SRGAP3: variants seen among roughly 807,000 people sequenced by gnomAD.
SRGAP3 encodes the protein SLIT-ROBO Rho GTPase-activating protein 3.
In SRGAP3, 39 loss-of-function variants were observed where a neutral mutation model predicts 121.1. The observed-to-expected ratio is 0.32, with a 90% CI of 0.25 to 0.42. SRGAP3 has a LOEUF of 0.42. SRGAP3 is among the 10% of genes least tolerant of loss of function. The pLI, the probability that SRGAP3 is intolerant of heterozygous loss-of-function variation, is 1.00. For synonymous variants in SRGAP3, 601 were observed against 570.0 expected (o/e 1.05, Z -0.77); for missense variants, 1,213 against 1,470.6 (o/e 0.82, Z 2.86).
chr3:8,986,022 G>T (rs570034358), intron 21 of SRGAP3, 90 bp from the exon 22 acceptor site: 1 of 1,586,484 alleles, frequency 6.3e-7, no homozygotes, highest in Non-Finnish European at 8.5e-7. Flanking sequence ...TCGTAGGCAG[G>T]TTCCCCAGAA....
intron 1 of SRGAP3, among the ~76,000 whole-genome samples, chr3:9,162,125 G>A (rs910412434): frequency 3.9e-5 from 6 of 152,150 alleles, no homozygotes; most frequent in African/African-American, 1.2e-4. Context: ...AGTTCATAGA[G>A]ACAGAGAGAG....
chr3:9,023,145 C>G lies in SRGAP3; in HGVS notation c.1678+2116G>C, dbSNP rs530422038. Among the ~76,000 whole-genome samples the G allele has an allele frequency of 2.6e-5, 4 of 152,228 alleles. No individual in the cohort carries two copies. In the East Asian group the frequency reaches 7.7e-4, roughly 29 times the overall value. On this transcript the variant is annotated intron_variant, in intron 14 of 21. Transcript: ENST00000383836. ...AAAGTGGTTGCCAGGCTGGAGGCAC[C>G]ATGCAGTGAGTTTGCCCACGAGATT...
intron 19 of SRGAP3, chr3:8,993,903 CT>C (rs1466770693): frequency 5.3e-6 from 1 of 188,296 alleles, no homozygotes; most frequent in African/African-American, 2.4e-5. Context: ...TCATTAACCC[CT>C]GAAATTATTT....
chr3:9,252,009 G>A (rs530475570), upstream of SRGAP3, among the ~76,000 whole-genome samples: 1 of 152,330 alleles, frequency 6.6e-6, no homozygotes, highest in Non-Finnish European at 1.5e-5. Context: ...CTTTTTTAGA[G>A]CTGTGGAAAT....
intron 11 of SRGAP3, chr3:9,037,742 T>C: frequency 2.3e-6 from 1 of 444,244 alleles, no homozygotes; most frequent in Non-Finnish European, 4.1e-6. Context: ...CTCTGGCCCC[T>C]ACAGGCTGCC....
intron 3 of SRGAP3, among the ~76,000 whole-genome samples, chr3:9,083,301 C>A (rs1399568153): frequency 1.3e-5 from 2 of 152,180 alleles, no homozygotes. Context: ...AATAAAGGCA[C>A]ATGGTTAAAG....
chr3:9,070,096 C>CA (rs1946631241), intron 4 of SRGAP3, among the ~76,000 whole-genome samples: 2 of 152,262 alleles, frequency 1.3e-5, no homozygotes, highest in Non-Finnish European at 2.9e-5. Context: ...GCTTTGCACA[C>CA]ATTGCCTTTT....
At position 9,013,859 on chromosome 3, in the gene SRGAP3, C is replaced by A. The variant is rs775390550; in HGVS notation, c.1814-17G>T. ...TCTCCAGTTCTGTAACATAAAGGGG[C>A]CTTTCAGCGTGCCTTTCATCCTCAG... On this transcript the variant is annotated splice_polypyrimidine_tract_variant and intron_variant, in intron 15 of 21. Transcript: ENST00000383836. 10 of 1,611,930 alleles carry A rather than the reference C, an allele frequency of 6.2e-6. No individual in the cohort carries two copies. The highest frequency in any genetic ancestry group is 7.6e-6 in the Non-Finnish European group (9 of 1,177,998).
chr3:9,048,691 G>T (rs1945407464), intron 9 of SRGAP3, among the ~76,000 whole-genome samples: 1 of 152,072 alleles, frequency 6.6e-6, no homozygotes, highest in African/African-American at 2.4e-5. Context: ...TAGGCCTGGG[G>T]GTGTGTGCTG....
intron 1 of SRGAP3, among the ~76,000 whole-genome samples, chr3:9,207,588 GGAA>G (rs1194584572): frequency 5.3e-5 from 8 of 152,158 alleles, no homozygotes; most frequent in Admixed American, 3.3e-4. Flanking sequence ...GGGAGGAGAA[GGAA>G]GAAGGATTGA....
intron 1 of SRGAP3, among the ~76,000 whole-genome samples, chr3:9,146,051 A>G (rs1259540469): frequency 1.3e-5 from 2 of 152,226 alleles, no homozygotes; most frequent in Non-Finnish European, 2.9e-5. Context: ...CCCACAGTCA[A>G]TGTTACAGAA....
At chr3:9,260,977 C>A (rs1954242779) in intron 3 of SRGAP3, among the ~76,000 whole-genome samples, 1 of 152,206 alleles carries the variant, frequency 6.6e-6, no homozygotes, top group South Asian at 2.1e-4. Context: ...GCGGGTGCCC[C>A]TCTGGGACAA....
intron 1 of SRGAP3, among the ~76,000 whole-genome samples, chr3:9,336,687 G>A (rs906625441): frequency 2.0e-5 from 3 of 152,114 alleles, no homozygotes; most frequent in East Asian, 1.9e-4. Context: ...AGAGAGTGAG[G>A]AGACCATCTT....
chr3:9,064,597 T>C lies in SRGAP3; in HGVS notation c.487-16A>G, dbSNP rs1325043260. On this transcript the variant is annotated splice_polypyrimidine_tract_variant and intron_variant, in intron 4 of 21. Coordinates refer to ENST00000383836, the MANE Select transcript of SRGAP3 (RefSeq NM_014850.4). ...TTTTCATGACCTGGGGGTGCACAAGTAGGGGAAATCAGCAGCCAGCTATGG... is the reference window on the plus strand; with the variant it reads ...TTTTCATGACCTGGGGGTGCACAAGCAGGGGAAATCAGCAGCCAGCTATGG... 6.2e-7 allele frequency: 1 copy of C among 1,613,736 alleles called. No individual in the cohort carries two copies. Among genetic ancestry groups the C allele is most frequent in the Non-Finnish European group, 8.5e-7 (1 of 1,179,930 alleles).
intron 1 of SRGAP3, among the ~76,000 whole-genome samples, chr3:9,152,959 G>T (rs1266806128): frequency 6.6e-6 from 1 of 152,172 alleles, no homozygotes; most frequent in Non-Finnish European, 1.5e-5. Context: ...TCAGCTTCTC[G>T]CTCTGCCCAG....
intron 3 of SRGAP3, among the ~76,000 whole-genome samples, chr3:9,271,762 C>G (rs1324960537): frequency 1.3e-5 from 2 of 152,204 alleles, no homozygotes; most frequent in Non-Finnish European, 2.9e-5. Context: ...GAAAAAAGCA[C>G]AGCGTGGCAG....
At chr3:9,243,342 A>G (rs1953713767) in intron 1 of SRGAP3, among the ~76,000 whole-genome samples, 1 of 152,084 alleles carries the variant, frequency 6.6e-6, no homozygotes, top group Admixed American at 6.6e-5. Context: ...ATTTAGAGAA[A>G]AGGGATTGGT....
chr3:9,350,262 T>TTTGTAGAGA (rs1228271054), intron 1 of SRGAP3, among the ~76,000 whole-genome samples: 1 of 151,996 alleles, frequency 6.6e-6, no homozygotes, highest in Non-Finnish European at 1.5e-5. Context: ...AAAGAATATT[T>TTTGTAGAGA]TTGTAGAGAA....
intron 1 of SRGAP3, among the ~76,000 whole-genome samples, chr3:9,337,328 G>T (rs771338751): frequency 3.9e-5 from 6 of 152,106 alleles, no homozygotes; most frequent in Non-Finnish European, 8.8e-5. Context: ...TAGTCAATTT[G>T]ACACACAAAA....
Sources: gnomAD v4.1 joint callset for allele counts (sites outside exome capture counted in the v4.1 genomes callset) on GRCh38, gnomAD v4.1.1 for gene constraint, MANE v1.5 for transcripts, NCBI Gene and HGNC (gene_info 2026-07-23, HGNC 2026-07-21) for gene names.